GPBP1: variants seen among roughly 807,000 people sequenced by gnomAD.
The protein encoded by GPBP1 is vasculin.
GPBP1 carries 13 observed loss-of-function variants against 56.5 expected under a neutral mutation model. The observed-to-expected ratio is 0.23, with a 90% CI of 0.15 to 0.37. The LOEUF (loss-of-function observed/expected upper bound fraction) is 0.37, where lower values mean the gene tolerates loss of function less well. Among genes scored for constraint, GPBP1 ranks in the 10% least tolerant of loss-of-function variants. GPBP1 has a pLI of 1.00. For missense variants in GPBP1, 477 were observed against 572.3 expected, an observed-to-expected ratio of 0.83 and a Z score of 1.70; for synonymous variants, 204 against 188.9, an observed-to-expected ratio of 1.08 and a Z score of -0.66.
chr5:57,183,403 T>C (rs947723629), intron 2 of GPBP1, among the ~76,000 whole-genome samples: 7 of 152,154 alleles, frequency 4.6e-5, no homozygotes, highest in East Asian at 1.9e-4. Context: ...TACAAACATA[T>C]GTACAACTCT....
intron 10 of GPBP1, among the ~76,000 whole-genome samples, chr5:57,253,327 T>C (rs566062226): frequency 2.0e-5 from 3 of 152,340 alleles, no homozygotes; most frequent in African/African-American, 7.2e-5. Flanking sequence ...TTTTTTTAAC[T>C]TAAAAAGTCT....
At chr5:57,246,947 G>C (rs1223818485) in intron 7 of GPBP1, 128 bp from the exon 8 acceptor site, 1 of 672,454 alleles carries the variant, frequency 1.5e-6, no homozygotes, top group African/African-American at 1.8e-5. Context: ...GAATAATGCA[G>C]TGTGATACAA....
chr5:57,253,673 G>GT (rs1741493604), intron 10 of GPBP1, among the ~76,000 whole-genome samples: 1 of 152,030 alleles, frequency 6.6e-6, no homozygotes, highest in Admixed American at 6.6e-5. Context: ...TAAATCTGTA[G>GT]TTTTTTTGAG....
At chr5:57,236,184 A>G in intron 6 of GPBP1, 152 bp downstream of exon 6, 3 of 591,398 alleles carry the variant, frequency 5.1e-6, no homozygotes, top group Non-Finnish European at 3.0e-6. Flanking sequence ...AAAAGGTAAC[A>G]TTCGTCTTTA....
intron 3 of GPBP1, among the ~76,000 whole-genome samples, chr5:57,229,230 CAAAAAAAAAAAAAAAAAAAAAAAAA>C (rs543005934): frequency 3.1e-4 from 24 of 77,420 alleles, no homozygotes; most frequent in Admixed American, 2.4e-4. Context: ...GACTCCATCT[CAAAAAAAAAAAAAAAAAAAAAAAAA>C]AAAAAAAAAA....
rs1008110597 is a variant in GPBP1, at chr5:57,219,387, A to C, written c.63+5194A>C. Reference sequence around the variant, plus strand: ...CGAGACTCTGTCTCAAAAAAAAAAAAAAAAAAAAAAAAAAAACCAAAAACA... The same window carrying C: ...CGAGACTCTGTCTCAAAAAAAAAAACAAAAAAAAAAAAAAAACCAAAAACA... On this transcript the variant is annotated intron_variant, in intron 3 of 11. Transcript: ENST00000506184. Among the ~76,000 whole-genome samples the C allele has an allele frequency of 4.6e-4, 26 of 57,024 alleles. 1 individual carries two copies. Among genetic ancestry groups the C allele is most frequent in the East Asian group, 3.4e-3 (5 of 1,450 alleles). The allele number at this position is 57,024 out of a possible 152,430, so 37.4% of individuals were successfully genotyped here. A position where few individuals can be genotyped will look rare whatever the true frequency, so the allele number is the denominator to read the frequency against.
At chr5:57,213,630 A>T (rs1191042246) in intron 2 of GPBP1, among the ~76,000 whole-genome samples, 1 of 152,056 alleles carries the variant, frequency 6.6e-6, no homozygotes, top group African/African-American at 2.4e-5. Context: ...ATGTACTGCT[A>T]ATTGGTAGTT....
At chr5:57,229,224 C>T (rs1756329815) in intron 3 of GPBP1, among the ~76,000 whole-genome samples, 1 of 79,612 alleles carries the variant, frequency 1.3e-5, no homozygotes, top group Non-Finnish European at 2.3e-5. Flanking sequence ...GAACAAGACT[C>T]CATCTCAAAA....
chr5:57,191,569 T>G (rs199560239), intron 2 of GPBP1, among the ~76,000 whole-genome samples: 30,613 of 151,464 alleles, frequency 0.2, 3,756 homozygotes, highest in Non-Finnish European at 0.28. Context: ...TTTTTTTTTT[T>G]TTTGTTTGTT....
At chr5:57,205,163 T>A (rs1235629409) in intron 2 of GPBP1, among the ~76,000 whole-genome samples, 2 of 152,226 alleles carry the variant, frequency 1.3e-5, no homozygotes, top group Non-Finnish European at 2.9e-5. Context: ...CTCTATGAAT[T>A]TACCTCTTAT....
rs1483168414 is a variant in GPBP1, at chr5:57,264,400, AATAG to A, written c.*1651_*1654del. ...GACTCTTAGATTGTACTATTTGCTT[AATAG>A]ATTAATGAAATTTATCAGATACAAC... On this transcript the variant is annotated 3_prime_UTR_variant, in exon 12 of 12. Coordinates refer to ENST00000506184, the MANE Select transcript of GPBP1 (RefSeq NM_022913.4). 1 of 152,180 alleles carries A rather than the reference AATAG, an allele frequency of 6.6e-6. No homozygotes were observed. The highest frequency in any genetic ancestry group is 1.5e-5 in the Non-Finnish European group (1 of 68,014). 9.4% of individuals were successfully genotyped at this position (152,180 alleles called of 1,614,324 possible).
intron 2 of GPBP1, among the ~76,000 whole-genome samples, chr5:57,200,172 CT>C (rs1754948104): frequency 7.2e-6 from 1 of 138,920 alleles, no homozygotes; most frequent in African/African-American, 2.7e-5. Flanking sequence ...TTTCCTTCCT[CT>C]CTTTCCTTTT....
intron 3 of GPBP1, among the ~76,000 whole-genome samples, chr5:57,228,779 A>G (rs1289808306): frequency 6.6e-6 from 1 of 151,862 alleles, no homozygotes; most frequent in African/African-American, 2.4e-5. Context: ...GTGCTAGGAT[A>G]AATCTATTGA....
intron 5 of GPBP1, among the ~76,000 whole-genome samples, chr5:57,235,430 T>G (rs1233205125): frequency 6.6e-6 from 1 of 152,118 alleles, no homozygotes; most frequent in Non-Finnish European, 1.5e-5. Context: ...TTTTTTGTTT[T>G]AAATGAAAGC....
intron 3 of GPBP1, among the ~76,000 whole-genome samples, chr5:57,227,257 C>T (rs1001811453): frequency 1.3e-5 from 2 of 152,070 alleles, no homozygotes; most frequent in Admixed American, 1.3e-4. Flanking sequence ...ATTTAGTGAG[C>T]CGTTTCACCA....
intron 2 of GPBP1, among the ~76,000 whole-genome samples, chr5:57,204,284 C>G (rs1352245087): frequency 6.6e-6 from 1 of 151,834 alleles, no homozygotes; most frequent in Non-Finnish European, 1.5e-5. Context: ...CAGTCTGGCT[C>G]TGTCGCCCAG....
At chr5:57,236,570 T>TATCTAGA (rs1756672210) in intron 6 of GPBP1, among the ~76,000 whole-genome samples, 1 of 152,168 alleles carries the variant, frequency 6.6e-6, no homozygotes, top group Non-Finnish European at 1.5e-5. Context: ...TTTCAAAGCT[T>TATCTAGA]AATGAGAGTT....
In GPBP1 at chr5:57,246,404, C is replaced by A. The variant is rs201881223; in HGVS notation, c.583C>A (p.Pro195Thr). 2.8e-4 allele frequency: 458 copies of A among 1,613,916 alleles called. 2 individuals carry two copies. The highest frequency in any genetic ancestry group is 2.2e-3 in the South Asian group (196 of 91,070). The change falls in exon 7 of 12, where the codon CCG becomes ACG. Residue 195 changes from proline to threonine, a missense_variant. Pro to Thr is a conservative substitution (Grantham distance 38). Transcript: ENST00000506184. ...TGGATTCCCAGTAGTAGGAAATCTT[C>A]CGTCACAGCCAGTTAAGAATGGAAC... ...LSGFPVVGNL[P>T]SQPVKNGTGP...
At chr5:57,226,967 C>T (rs896536730) in intron 3 of GPBP1, among the ~76,000 whole-genome samples, 3 of 151,998 alleles carry the variant, frequency 2.0e-5, no homozygotes, top group African/African-American at 7.2e-5. Flanking sequence ...TCTCGATCTC[C>T]TGACCTCGTG....
Sources: gnomAD v4.1 joint callset for allele counts (sites outside exome capture counted in the v4.1 genomes callset) on GRCh38, gnomAD v4.1.1 for gene constraint, MANE v1.5 for transcripts, NCBI Gene and HGNC (gene_info 2026-07-23, HGNC 2026-07-21) for gene names.